MAP2: variants seen among roughly 807,000 people sequenced by gnomAD.
MAP2 encodes microtubule associated protein 2.
In MAP2, 14 loss-of-function variants were observed where a neutral mutation model predicts 137.6. The ratio of observed to expected loss-of-function variants is 0.10; its 90% CI spans 0.07 to 0.16. MAP2 has a LOEUF of 0.16. MAP2 is among the 10% of genes least tolerant of loss of function. MAP2 has a pLI of 1.00. For synonymous variants in MAP2, 786 were observed against 782.3 expected, an observed-to-expected ratio of 1.00 and a Z score of -0.08; for missense variants, 2,088 against 2,191.5, an observed-to-expected ratio of 0.95 and a Z score of 0.94.
At chr2:209,541,584 C>G (rs2067052309) in intron 2 of MAP2, among the ~76,000 whole-genome samples, 1 of 152,062 alleles carries the variant, frequency 6.6e-6, no homozygotes. Context: ...TCAATCCACT[C>G]AAACCTTGCC....
intron 1 of MAP2, among the ~76,000 whole-genome samples, chr2:209,436,493 T>C (rs187440694): frequency 6.6e-6 from 1 of 151,920 alleles, no homozygotes; most frequent in East Asian, 1.9e-4. Context: ...CCATTTGACC[T>C]TCAGACTGTA....
At position 209,694,513 on chromosome 2, in the gene MAP2, A is replaced by G. The variant is rs769872831; in HGVS notation, c.2343A>G (p.Gln781=). Residue 781 remains glutamine (Q), a synonymous_variant, in exon 8 of 16, where the codon CAA becomes CAG. Transcript: ENST00000682079. Reference sequence around the variant, plus strand: ...AAGCTACTGGAGAAGAAAGTACTCAAGCGGAGATATCATGTGAGTCTCCTT... The same window carrying G: ...AAGCTACTGGAGAAGAAAGTACTCAGGCGGAGATATCATGTGAGTCTCCTT... ...KVKATGEEST[Q]AEISCESPFL... is the part of the protein sequence containing the mutation. 2.5e-6 allele frequency: 4 copies of G among 1,614,126 alleles called. No homozygotes were observed. The highest frequency in any genetic ancestry group is 2.5e-6 in the Non-Finnish European group (3 of 1,180,004).
At chr2:209,529,807 T>A (rs1436617891) in intron 2 of MAP2, among the ~76,000 whole-genome samples, 1 of 152,172 alleles carries the variant, frequency 6.6e-6, no homozygotes, top group Non-Finnish European at 1.5e-5. Context: ...TGTACTCCCA[T>A]CTGTCCTAGA....
intron 2 of MAP2, among the ~76,000 whole-genome samples, chr2:209,528,845 T>C (rs2064582162): frequency 6.6e-6 from 1 of 150,766 alleles, no homozygotes; most frequent in East Asian, 2.0e-4. Context: ...TATGTATATA[T>C]ATGTGTGTGT....
At chr2:209,689,622 G>A (rs968704241) in intron 7 of MAP2, among the ~76,000 whole-genome samples, 1 of 152,066 alleles carries the variant, frequency 6.6e-6, no homozygotes, top group Non-Finnish European at 1.5e-5. Flanking sequence ...ACTTTTTTAT[G>A]TGATATACAT....
intron 5 of MAP2, among the ~76,000 whole-genome samples, chr2:209,672,125 G>A (rs1390062351): frequency 6.6e-6 from 1 of 151,906 alleles, no homozygotes; most frequent in Non-Finnish European, 1.5e-5. Context: ...GCATGAATCA[G>A]CATTAGGGAA....
At chr2:209,478,462 C>T (rs1056093444) in intron 1 of MAP2, among the ~76,000 whole-genome samples, 3 of 152,190 alleles carry the variant, frequency 2.0e-5, no homozygotes, top group Admixed American at 6.5e-5. Context: ...ATGTTTACTA[C>T]TGCCAAGTTG....
chr2:209,471,957 G>A (rs1242588505), intron 1 of MAP2, among the ~76,000 whole-genome samples: 1 of 151,960 alleles, frequency 6.6e-6, no homozygotes, highest in Non-Finnish European at 1.5e-5. Context: ...TGGTTAAAAG[G>A]AGTTTCACAG....
chr2:209,683,752 A>G (rs1270792335), intron 7 of MAP2, among the ~76,000 whole-genome samples: 2 of 152,130 alleles, frequency 1.3e-5, no homozygotes, highest in African/African-American at 4.8e-5. Flanking sequence ...CCTCAAAGCA[A>G]CTTTAATCTG....
chr2:209,665,954 G>A (rs1362567027), intron 5 of MAP2, among the ~76,000 whole-genome samples: 1 of 151,998 alleles, frequency 6.6e-6, no homozygotes, highest in Non-Finnish European at 1.5e-5. Context: ...CTTCTCCAAG[G>A]AGGAAACTAA....
At chr2:209,466,382 T>G (rs1271281543) in intron 1 of MAP2, among the ~76,000 whole-genome samples, 1 of 152,216 alleles carries the variant, frequency 6.6e-6, no homozygotes, top group Non-Finnish European at 1.5e-5. Flanking sequence ...AAGTAGATTT[T>G]GGGAAGTTTC....
chr2:209,455,710 T>G (rs1701379156), intron 1 of MAP2, among the ~76,000 whole-genome samples: 1 of 152,210 alleles, frequency 6.6e-6, no homozygotes, highest in Admixed American at 6.5e-5. Flanking sequence ...AGGTTTCTAG[T>G]AATGTTTTAA....
intron 3 of MAP2, among the ~76,000 whole-genome samples, chr2:209,593,086 C>G (rs1026062784): frequency 2.6e-5 from 4 of 151,818 alleles, no homozygotes; most frequent in African/African-American, 9.7e-5. Context: ...TTTAGGTACT[C>G]ATATATTAAT....
chr2:209,650,278 A>AAAG (rs2094697791), intron 4 of MAP2, among the ~76,000 whole-genome samples: 6 of 152,194 alleles, frequency 3.9e-5, no homozygotes, highest in Admixed American at 3.9e-4. Context: ...GGTGTTAGAA[A>AAAG]AAGTTTTGTG....
At chr2:209,568,890 A>G (rs1056578625) in intron 2 of MAP2, among the ~76,000 whole-genome samples, 1 of 151,770 alleles carries the variant, frequency 6.6e-6, no homozygotes, top group African/African-American at 2.4e-5. Context: ...TAATTCTCTT[A>G]ATTTTCCTTC....
intron 3 of MAP2, among the ~76,000 whole-genome samples, chr2:209,582,575 A>G (rs1037737214): frequency 1.3e-5 from 2 of 151,984 alleles, no homozygotes; most frequent in East Asian, 1.9e-4. Context: ...TCCCCTTTCT[A>G]TAAATGTAAT....
At chr2:209,544,408 G>A (rs184928774) in intron 2 of MAP2, among the ~76,000 whole-genome samples, 1 of 152,276 alleles carries the variant, frequency 6.6e-6, no homozygotes, top group East Asian at 1.9e-4. Context: ...CTTTGACTAT[G>A]AAAGGGAGGT....
intron 5 of MAP2, among the ~76,000 whole-genome samples, chr2:209,661,107 A>T (rs1250374486): frequency 6.6e-6 from 1 of 152,050 alleles, no homozygotes; most frequent in Non-Finnish European, 1.5e-5. Context: ...TCACATGCAA[A>T]AAGCTGCATA....
At position 209,709,972 on chromosome 2, in the gene MAP2, G is replaced by T. The variant is rs1192759023; in HGVS notation, c.4791G>T (p.Gly1597=). 1.2e-6 allele frequency: 2 copies of T among 1,613,918 alleles called. No homozygotes were observed. The highest frequency in any genetic ancestry group is 1.1e-5 in the South Asian group (1 of 91,072). ...KSGTSTPTTP[G]STAITPGTPP... ...GTACCTCAACACCCACTACCCCTGG[G>T]TCTACTGCCATCACTCCTGGCACCC... Residue 1597 remains glycine (G), a synonymous_variant, in exon 13 of 16, where the codon GGG becomes GGT. Coordinates refer to ENST00000682079, the MANE Select transcript of MAP2 (RefSeq NM_001375505.1).
Sources: allele counts gnomAD v4.1 joint callset (sites outside exome capture counted in the v4.1 genomes callset), GRCh38; gene constraint gnomAD v4.1.1; transcripts MANE v1.5; gene names NCBI Gene and HGNC (gene_info 2026-07-23, HGNC 2026-07-21).